Variants in PRSS54 observed in about 807,000 individuals in gnomAD.
PRSS54 encodes the protein serine protease 54.
PRSS54 carries 16 observed loss-of-function variants against 19.9 expected under a neutral mutation model. The observed-to-expected ratio is 0.80, with a 90% CI of 0.54 to 1.22. PRSS54 has a LOEUF of 1.22. Among genes scored for constraint, PRSS54 ranks in the 50% most tolerant of loss-of-function variants. The pLI, the probability that PRSS54 is intolerant of heterozygous loss-of-function variation, is 0.00. For missense variants in PRSS54, 444 were observed against 494.8 expected, an observed-to-expected ratio of 0.90 and a Z score of 0.97; for synonymous variants, 177 against 195.8, an observed-to-expected ratio of 0.90 and a Z score of 0.80.
At chr16:58,292,455 C>A (rs978984558) in intron 3 of PRSS54, among the ~76,000 whole-genome samples, 1 of 152,148 alleles carries the variant, frequency 6.6e-6, no homozygotes, top group Non-Finnish European at 1.5e-5. Context: ...CCCCTGAGGG[C>A]AACCTTGCAT....
rs1965094858 is a variant in PRSS54, at chr16:58,293,999, G to A, written c.-21C>T. 1.6e-6 allele frequency: 1 copy of A among 626,926 alleles called. No individual in the cohort carries two copies. The highest frequency in any genetic ancestry group is 1.8e-5 in the African/African-American group (1 of 54,776). 38.8% of individuals were successfully genotyped at this position (626,926 alleles called of 1,614,324 possible). ...AGGGCACTGACCTGTCTTATCCCTA[G>A]TGCTTGGTTCTGTGTGGTAAAGAGG... On this transcript the variant is annotated 5_prime_UTR_variant, in exon 2 of 7. Transcript: ENST00000567164.
At position 58,286,125 on chromosome 16, in the gene PRSS54, C is replaced by G; in HGVS notation, c.334G>C (p.Val112Leu). ...TCCTCATGGATGATGATGGTATTGA[C>G]TGGATACTCTGTGTGAGCAATCTTG... The part of the protein sequence containing the change: ...PSKIAHTEYP[V>L]NTIIIHEDFD... Residue 112 changes from valine (V) to leucine (L), a missense_variant, in exon 5 of 7, where the codon GTC becomes CTC. Transcript: ENST00000567164. 1 of 1,614,184 alleles carries G rather than the reference C, an allele frequency of 6.2e-7. No individual in the cohort carries two copies.
intron 1 of PRSS54, 67 bp downstream of exon 1, chr16:58,294,820 C>T (rs1292721406): frequency 6.6e-6 from 1 of 152,462 alleles, no homozygotes; most frequent in Non-Finnish European, 1.5e-5. Flanking sequence ...CTAGCCAGTC[C>T]AAGGTCACAC....
At chr16:58,290,007 CTG>C (rs1362968521) in intron 4 of PRSS54, among the ~76,000 whole-genome samples, 1 of 151,574 alleles carries the variant, frequency 6.6e-6, no homozygotes, top group Non-Finnish European at 1.5e-5. Flanking sequence ...CCCCAATACT[CTG>C]TGTGTGTATA....
chr16:58,286,494 TA>T, intron 4 of PRSS54, among the ~76,000 whole-genome samples: 1 of 60,164 alleles, frequency 1.7e-5, no homozygotes, highest in East Asian at 6.9e-4. Flanking sequence ...TTTCTATGAA[TA>T]GTTTTTTTTT....
chr16:58,290,854 C>T, intron 4 of PRSS54, 105 bp downstream of exon 4: 2 of 1,285,336 alleles, frequency 1.6e-6, no homozygotes, highest in Non-Finnish European at 1.1e-6. Flanking sequence ...AGCCCTGTCC[C>T]CCCAGAATGC....
chr16:58,285,723 CAAAAAAAAAA>C (rs1178010291), intron 5 of PRSS54, among the ~76,000 whole-genome samples: 4 of 78,842 alleles, frequency 5.1e-5, no homozygotes, highest in Non-Finnish European at 7.1e-5. Flanking sequence ...GACCCTGTCT[CAAAAAAAAAA>C]AAAAAAAAAA....
rs1000075756 is a variant in PRSS54, at chr16:58,280,128, G to A, written c.*96C>T. ...TGGGCTTATCCGTGGCAGCCCCAGT[G>A]TGCAACTATCAAAAACAGACATCAA... On this transcript the variant is annotated 3_prime_UTR_variant, in exon 7 of 7. Coordinates refer to ENST00000567164, the MANE Select transcript of PRSS54 (RefSeq NM_001305173.2). The A allele has an allele frequency of 2.4e-6, 3 of 1,275,406 alleles. No homozygotes were observed. The highest frequency in any genetic ancestry group is 3.3e-6 in the Non-Finnish European group (3 of 912,024). 79.0% of individuals were successfully genotyped at this position (1,275,406 alleles called of 1,614,324 possible).
chr16:58,280,838 G>C (rs1964708566), intron 6 of PRSS54, 81 bp from the exon 7 acceptor site: 1 of 1,337,658 alleles, frequency 7.5e-7, no homozygotes, highest in East Asian at 2.3e-5. Flanking sequence ...TATACTGTTT[G>C]TTCTAGAAAT....
At position 58,280,048 on chromosome 16, in the gene PRSS54, C is replaced by G; in HGVS notation, c.*176G>C. On this transcript the variant is annotated 3_prime_UTR_variant, in exon 7 of 7. Coordinates refer to ENST00000567164, the MANE Select transcript of PRSS54 (RefSeq NM_001305173.2). Reference sequence around the variant, plus strand: ...TAGTTCACAAGCATAGTGAAAGTGACCTTCCCACACCTGGGAGAGGGATAG... The same window carrying G: ...TAGTTCACAAGCATAGTGAAAGTGAGCTTCCCACACCTGGGAGAGGGATAG... 1 of 668,496 alleles carries G rather than the reference C, an allele frequency of 1.5e-6. No homozygotes were observed. Among genetic ancestry groups the G allele is most frequent in the Non-Finnish European group, 2.5e-6 (1 of 393,076 alleles). 41.4% of individuals were successfully genotyped at this position (668,496 alleles called of 1,614,324 possible). A position where few individuals can be genotyped will look rare whatever the true frequency, so the allele number is the denominator to read the frequency against.
At chr16:58,282,493 T>G (rs1436112277) in intron 6 of PRSS54, 2 of 152,366 alleles carry the variant, frequency 1.3e-5, no homozygotes, top group Non-Finnish European at 2.9e-5. Flanking sequence ...AGAACAGAGA[T>G]GAAGACCAGT....
At position 58,285,744 on chromosome 16, in the gene PRSS54, A is replaced by AAAAG. The variant is rs146167626; in HGVS notation, c.522+192_522+193insCTTT. 1.8e-3 allele frequency among the ~76,000 whole-genome samples: 140 copies of AAAAG among 77,332 alleles called. 2 individuals carry two copies. The highest frequency in any genetic ancestry group is 7.0e-3 in the African/African-American group (98 of 13,974). 50.7% of individuals were successfully genotyped at this position (77,332 alleles called of 152,430 possible). A position where few individuals can be genotyped will look rare whatever the true frequency, so the allele number is the denominator to read the frequency against. ...GTCTCAAAAAAAAAAAAAAAAAAAA[A>AAAAG]AAGAAGAAGAAGAAGAAGAGTGGCT... is the stretch of plus-strand genomic sequence containing the variant. On this transcript the variant is annotated intron_variant, in intron 5 of 6. Coordinates refer to ENST00000567164, the MANE Select transcript of PRSS54 (RefSeq NM_001305173.2).
intron 4 of PRSS54, among the ~76,000 whole-genome samples, chr16:58,288,028 T>A (rs1036539907): frequency 2.0e-5 from 3 of 152,248 alleles, no homozygotes; most frequent in Non-Finnish European, 4.4e-5. Flanking sequence ...CCACCCATAG[T>A]AGACAGACAG....
intron 4 of PRSS54, among the ~76,000 whole-genome samples, chr16:58,288,655 T>A (rs1276571844): frequency 6.6e-6 from 1 of 152,200 alleles, no homozygotes; most frequent in Non-Finnish European, 1.5e-5. Flanking sequence ...ATCTACACTA[T>A]GGTACACTTG....
chr16:58,285,795 G>T, intron 5 of PRSS54, 142 bp downstream of exon 5: 1 of 764,178 alleles, frequency 1.3e-6, no homozygotes, highest in Non-Finnish European at 2.0e-6. Flanking sequence ...AGTCTTGACT[G>T]ATTAGGTAAG....
chr16:58,293,801 C>G lies in PRSS54; in HGVS notation c.16G>C (p.Gly6Arg), dbSNP rs201027864. ...CGCATCTTGCCATCCCCAGAGAGACCCGCCGCGGACACCATGGGCAGCTGG... is the reference window on the plus strand; with the variant it reads ...CGCATCTTGCCATCCCCAGAGAGACGCGCCGCGGACACCATGGGCAGCTGG... MVSAA[G>R]LSGDGKMRGV... The change falls in exon 3 of 7, where the codon GGT (glycine) becomes CGT (arginine). Residue 6 changes from glycine (G) to arginine (R), a missense_variant. Physicochemically the swap from Gly to Arg is moderately radical, Grantham distance 125. Coordinates refer to ENST00000567164, the MANE Select transcript of PRSS54 (RefSeq NM_001305173.2). The G allele has an allele frequency of 6.2e-7, 1 of 1,613,090 alleles. No individual in the cohort carries two copies. The highest frequency in any genetic ancestry group is 8.5e-7 in the Non-Finnish European group (1 of 1,179,684).
At chr16:58,289,336 C>G (rs989488705) in intron 4 of PRSS54, among the ~76,000 whole-genome samples, 6 of 152,044 alleles carry the variant, frequency 3.9e-5, no homozygotes, top group African/African-American at 1.5e-4. Context: ...GTTATAACAG[C>G]CTAAGTAGAC....
chr16:58,286,053 C>CT lies in PRSS54; in HGVS notation c.405dup (p.Asp136ArgfsTer58). ...AGGTTGCCAAAATGCATCGCTGTGT[C>CT]TGTCTTCAGGAGGGCTATGTTGTTG... On this transcript the variant is annotated frameshift_variant, in exon 5 of 7. Transcript: ENST00000567164. 2 of 1,614,206 alleles carry CT rather than the reference C, an allele frequency of 1.2e-6. No individual in the cohort carries two copies. Among genetic ancestry groups the CT allele is most frequent in the South Asian group, 2.2e-5 (2 of 91,084 alleles).
chr16:58,293,954 T>G (rs1395936060), intron 2 of PRSS54, 31 bp downstream of exon 2: 1 of 767,862 alleles, frequency 1.3e-6, no homozygotes, highest in South Asian at 1.6e-5. Flanking sequence ...CTCTTTCTAC[T>G]AACAAAGGTT....
Sources: gnomAD v4.1 joint callset for allele counts (sites outside exome capture counted in the v4.1 genomes callset) on GRCh38, gnomAD v4.1.1 for gene constraint, MANE v1.5 for transcripts, NCBI Gene and HGNC (gene_info 2026-07-23, HGNC 2026-07-21) for gene names.